The following ACACB variants were observed in gnomAD, a reference collection of about 807,000 sequenced individuals.
ACACB encodes acetyl-CoA carboxylase 2.
In ACACB, 209 loss-of-function variants were observed where a neutral mutation model predicts 278.8. The observed-to-expected ratio is 0.75, with a 90% CI of 0.67 to 0.84. The LOEUF (loss-of-function observed/expected upper bound fraction) is 0.84. Among genes scored for constraint, ACACB ranks in the 40% least tolerant of loss-of-function variants. The probability of loss-of-function intolerance (pLI) is 0.00; values close to 1 mark genes in which losing one functional copy is unlikely to be tolerated. For missense variants in ACACB, 2,850 were observed against 3,269.0 expected, an observed-to-expected ratio of 0.87 and a Z score of 3.13; for synonymous variants, 1,174 against 1,285.6, an observed-to-expected ratio of 0.91 and a Z score of 1.86.
At position 109,265,300 on chromosome 12, in the gene ACACB, G is replaced by A. The variant is rs747451733; in HGVS notation, c.7113+20G>A. The A allele has an allele frequency of 4.3e-6, 7 of 1,611,788 alleles. No homozygotes were observed. The highest frequency in any genetic ancestry group is 2.2e-5 in the East Asian group (1 of 44,870). On this transcript the variant is annotated intron_variant, in intron 51 of 52. Transcript: ENST00000338432. ...GTCAAGGTGGGCCTGGGGTGAGAAC[G>A]AGGCCGGTGAGCACAGGGGGTGCTG...
At chr12:109,252,198 C>T (rs755147568) in intron 42 of ACACB, 42 bp downstream of exon 42, 1 of 1,401,348 alleles carries the variant, frequency 7.1e-7, no homozygotes, top group South Asian at 1.3e-5. Context: ...CCTTGGGGGC[C>T]AGGAGTCATT....
At chr12:109,214,483 A>G (rs1381357605) in intron 22 of ACACB, among the ~76,000 whole-genome samples, 1 of 152,230 alleles carries the variant, frequency 6.6e-6, no homozygotes, top group African/African-American at 2.4e-5. Flanking sequence ...GAGTCCTCCT[A>G]AAACACATAG....
rs2046023017 is a variant in ACACB, at chr12:109,217,036, C to T, written c.3564+116C>T. On this transcript the variant is annotated intron_variant, in intron 24 of 52. Transcript: ENST00000338432. Reference sequence around the variant, plus strand: ...GTGGCTCATGCCTGTAATCCCATCACTTTGGGAGGCTGAGGCGGGCAGATC... The same window carrying T: ...GTGGCTCATGCCTGTAATCCCATCATTTTGGGAGGCTGAGGCGGGCAGATC... 3.0e-6 allele frequency: 4 copies of T among 1,332,910 alleles called. No individual in the cohort carries two copies. The African/African-American group carries it at 5.9e-5, about 20-fold the overall frequency. 82.6% of individuals were successfully genotyped at this position (1,332,910 alleles called of 1,614,324 possible).
chr12:109,252,830 CA>C (rs1334420323), intron 42 of ACACB, among the ~76,000 whole-genome samples, 184 bp from the exon 43 acceptor site: 1 of 152,196 alleles, frequency 6.6e-6, no homozygotes, highest in Admixed American at 6.5e-5. Context: ...AAACAAAACA[CA>C]AAAACTAATT....
At chr12:109,259,869 G>A (rs1479613238) in intron 47 of ACACB, among the ~76,000 whole-genome samples, 1 of 152,154 alleles carries the variant, frequency 6.6e-6, no homozygotes, top group Non-Finnish European at 1.5e-5. Context: ...GGACAGAGCT[G>A]GATGGGAGGC....
At chr12:109,203,833 C>T (rs561441247) in intron 19 of ACACB, among the ~76,000 whole-genome samples, 1 of 152,124 alleles carries the variant, frequency 6.6e-6, no homozygotes, top group Non-Finnish European at 1.5e-5. Context: ...TGTTGTGATC[C>T]TGGGGCTTAG....
At position 109,247,720 on chromosome 12, in the gene ACACB, G is replaced by T; in HGVS notation, c.5669+17G>T. On this transcript the variant is annotated intron_variant, in intron 40 of 52. Coordinates refer to ENST00000338432, the MANE Select transcript of ACACB (RefSeq NM_001093.4). The stretch of plus-strand genomic sequence containing the variant: ...AGAGTCCAGGTAAATAACTTATCAG[G>T]TAGCTCCTTAATTTTGCTCATGGTT... The T allele has an allele frequency of 6.3e-7, 1 of 1,593,066 alleles. No homozygotes were observed. The highest frequency in any genetic ancestry group is 1.1e-5 in the South Asian group (1 of 89,858).
intron 9 of ACACB, among the ~76,000 whole-genome samples, chr12:109,176,659 C>T (rs757368863): frequency 6.6e-6 from 1 of 152,192 alleles, no homozygotes; most frequent in Non-Finnish European, 1.5e-5. Context: ...CTCTGTCACC[C>T]AGGCTGGAGT....
Position 109,173,853 on chromosome 12 carries a change from C to T in ACACB, c.1118-279C>T, listed in dbSNP as rs148388011. Among the ~76,000 whole-genome samples, 455 of 152,310 alleles carry T rather than the reference C, an allele frequency of 3.0e-3. 1 individual carries two copies. The highest frequency in any genetic ancestry group is 4.7e-3 in the Non-Finnish European group (317 of 68,022). On this transcript the variant is annotated intron_variant, in intron 6 of 52. Transcript: ENST00000338432. ...CTCTTTGATCTAGCTTTCTGCCTTC[C>T]CTCCAAAGTGAATTTTGTATATGCC...
intron 28 of ACACB, among the ~76,000 whole-genome samples, chr12:109,228,700 G>T (rs116402945): frequency 0.023 from 3,500 of 152,016 alleles, 146 homozygotes; most frequent in African/African-American, 0.08. Flanking sequence ...AGTCATACTG[G>T]GTGGCTCATG....
chr12:109,122,635 T>TA (rs2042577868), intron 1 of ACACB, among the ~76,000 whole-genome samples: 1 of 147,472 alleles, frequency 6.8e-6, no homozygotes, highest in South Asian at 2.2e-4. Flanking sequence ...TTAGTACTCA[T>TA]AAGTATTAGC....
chr12:109,141,337 A>T (rs1434780599), intron 2 of ACACB, among the ~76,000 whole-genome samples: 10 of 152,214 alleles, frequency 6.6e-5, no homozygotes. Flanking sequence ...GTAGGTTCAT[A>T]ACAGGTGGGA....
chr12:109,239,451 G>A (rs971021702), intron 34 of ACACB, among the ~76,000 whole-genome samples: 8 of 152,162 alleles, frequency 5.3e-5, no homozygotes, highest in African/African-American at 1.2e-4. Flanking sequence ...AAAAAAGTGA[G>A]GCTGAGTAAA....
chr12:109,119,657 G>A (rs531359105), intron 1 of ACACB, among the ~76,000 whole-genome samples: 2 of 152,118 alleles, frequency 1.3e-5, no homozygotes, highest in African/African-American at 2.4e-5. Flanking sequence ...AGCACTTTGG[G>A]AGGCTGAGGC....
intron 21 of ACACB, among the ~76,000 whole-genome samples, chr12:109,210,211 ATATACACACATGTG>A (rs2045724851): frequency 1.3e-5 from 1 of 74,306 alleles, no homozygotes; most frequent in Admixed American, 1.4e-4. Context: ...ATATATGTAT[ATATACACACATGTG>A]TGTATATGTA....
rs141360740 is a variant in ACACB at position 109,200,952 on chromosome 12, T to TG, written c.2779-613dup. Among the ~76,000 whole-genome samples, 277 of 151,694 alleles carry TG rather than the reference T, an allele frequency of 1.8e-3. No homozygotes were observed. The East Asian group carries it at 0.046, about 25-fold the overall frequency. On this transcript the variant is annotated intron_variant, in intron 18 of 52. Transcript: ENST00000338432. ...CCACTTCTGAAGATCACAGAGGTAT[T>TG]GGTGGGGGCAGTTCCTGGGATTCTA...
rs147616769 is a variant in ACACB at position 109,265,135 on chromosome 12, G to A, written c.6968G>A (p.Arg2323His). Residue 2323 changes from arginine (R) to histidine (H), a missense_variant, in exon 51 of 53, where the codon CGC (arginine) becomes CAC (histidine). By Grantham distance (29) the Arg-to-His change is conservative. This residue lies in a region of ACACB where 579 missense variants were observed against 684.6 expected (regional missense o/e 0.85). Coordinates refer to ENST00000338432, the MANE Select transcript of ACACB (RefSeq NM_001093.4). ...ISDILEWKTA[R>H]TFLYWRLRRL... ...GACATCCTGGAGTGGAAGACCGCAC[G>A]CACCTTCCTGTATTGGCGTCTGCGC... The A allele has an allele frequency of 6.4e-5, 103 of 1,612,482 alleles. No homozygotes were observed. The African/African-American group carries it at 8.5e-4, about 13-fold the overall frequency.
intron 2 of ACACB, among the ~76,000 whole-genome samples, chr12:109,142,238 G>C (rs1036263864): frequency 6.6e-6 from 1 of 152,064 alleles, no homozygotes; most frequent in Non-Finnish European, 1.5e-5. Context: ...AACAGAGCAA[G>C]ACTCTGTCTC....
chr12:109,266,107 T>C, intron 52 of ACACB, 129 bp from the exon 53 acceptor site: 1 of 1,193,452 alleles, frequency 8.4e-7, no homozygotes, highest in Non-Finnish European at 1.1e-6. Flanking sequence ...ATCACCCCCA[T>C]GGGGACCACA....
Sources: gnomAD v4.1 joint callset for allele counts (sites outside exome capture counted in the v4.1 genomes callset) on GRCh38, gnomAD v4.1.1 for gene constraint, gnomAD v4.1.1 regional missense constraint, MANE v1.5 for transcripts, NCBI Gene and HGNC (gene_info 2026-07-23, HGNC 2026-07-21) for gene names.